SYBU: variants seen among roughly 807,000 people sequenced by gnomAD.
SYBU encodes GOLSYN A protein.
A neutral mutation model predicts 35.9 loss-of-function variants in SYBU; 21 were observed. That is an observed-to-expected ratio of 0.58 (90% CI 0.41 to 0.84). The LOEUF (loss-of-function observed/expected upper bound fraction) is 0.84. Ranked by LOEUF, SYBU falls within the 40% of genes least tolerant of loss-of-function variation. The probability of loss-of-function intolerance (pLI) is 0.00; values close to 1 mark genes in which losing one functional copy is unlikely to be tolerated. For synonymous variants in SYBU, 319 were observed against 324.3 expected (o/e 0.98, Z 0.18); for missense variants, 768 against 848.2 (o/e 0.91, Z 1.17).
At chr8:109,645,401 G>A (rs1246265804), upstream of SYBU, 1 of 452,830 alleles carries the variant, frequency 2.2e-6, no homozygotes, top group Non-Finnish European at 4.5e-6. Flanking sequence ...GCCTTCAGTG[G>A]TCAGCGCAGC....
intron 2 of SYBU, among the ~76,000 whole-genome samples, chr8:109,639,351 T>C (rs1814596547): frequency 4.0e-5 from 6 of 149,706 alleles, no homozygotes; most frequent in Admixed American, 2.6e-4. Flanking sequence ...TTTAAAAAAG[T>C]AAAAATTTTA....
intron 4 of SYBU, among the ~76,000 whole-genome samples, chr8:109,583,019 C>G (rs968735163): frequency 4.6e-5 from 7 of 152,120 alleles, no homozygotes. Flanking sequence ...GCCATCCAGT[C>G]TATGGTACTG....
Position 109,619,036 on chromosome 8 carries a change from T to C in SYBU, c.233A>G (p.Asp78Gly). 1.2e-6 allele frequency: 2 copies of C among 1,612,914 alleles called. No homozygotes were observed. The highest frequency in any genetic ancestry group is 1.7e-6 in the Non-Finnish European group (2 of 1,179,030). The change falls in exon 3 of 7, where the codon GAC becomes GGC. Residue 78 changes from aspartate (D) to glycine (G), a missense_variant. By Grantham distance (94) the Asp-to-Gly change is moderately conservative (BLOSUM62 -1). Coordinates refer to ENST00000276646, the MANE Select transcript of SYBU (RefSeq NM_001099754.2). ...TGACTGGCTGCTAGGACAGCCTGTGTCATCTAGAAGACAGGAATCAATAAG... is the reference window on the plus strand; with the variant it reads ...TGACTGGCTGCTAGGACAGCCTGTGCCATCTAGAAGACAGGAATCAATAAG... ...TVSSNSFCSDDTGCPSSQSVS... is the reference protein window; with the variant it reads ...TVSSNSFCSDGTGCPSSQSVS...
chr8:109,643,978 T>C, intron 1 of SYBU: 1 of 379,676 alleles, frequency 2.6e-6, no homozygotes. Flanking sequence ...CCTCTGCCAC[T>C]GAAAGGGACT....
chr8:109,644,855 C>G (rs1390845546), upstream of SYBU: 7 of 559,744 alleles, frequency 1.3e-5, no homozygotes, highest in Non-Finnish European at 2.1e-5. Context: ...CCCGCCCCGG[C>G]CGGACACGTG....
chr8:109,607,041 A>G (rs912501035), intron 3 of SYBU, among the ~76,000 whole-genome samples: 1 of 152,228 alleles, frequency 6.6e-6, no homozygotes, highest in Admixed American at 6.5e-5. Context: ...ACACAATTTT[A>G]AAGTTACCGA....
chr8:109,674,120 C>T (rs896152402), intron 1 of SYBU, among the ~76,000 whole-genome samples: 2 of 152,020 alleles, frequency 1.3e-5, no homozygotes, highest in African/African-American at 4.8e-5. Flanking sequence ...GGATATTATC[C>T]AGGAGAACTT....
chr8:109,611,067 G>A (rs1276698781), intron 3 of SYBU, among the ~76,000 whole-genome samples: 1 of 152,226 alleles, frequency 6.6e-6, no homozygotes, highest in Non-Finnish European at 1.5e-5. Context: ...AGAAGTCTGT[G>A]TGTAAAAGAA....
At chr8:109,595,920 C>A (rs1389981337) in intron 3 of SYBU, among the ~76,000 whole-genome samples, 1 of 152,184 alleles carries the variant, frequency 6.6e-6, no homozygotes, top group Non-Finnish European at 1.5e-5. Context: ...CCCACTTTCA[C>A]TTCTCTAATA....
In SYBU at chr8:109,618,723, T is replaced by C. The variant is rs1378149697; in HGVS notation, c.427+119A>G. On this transcript the variant is annotated intron_variant, in intron 3 of 6. Coordinates refer to ENST00000276646, the MANE Select transcript of SYBU (RefSeq NM_001099754.2). ...ACCCTGCCTCCTTTAAAAATGATGC[T>C]TTAGATGCTGGGTACGGTATTTGTG... 3.2e-6 allele frequency: 3 copies of C among 935,942 alleles called. No individual in the cohort carries two copies. The African/African-American group carries it at 4.9e-5, about 15-fold the overall frequency. 58.0% of individuals were successfully genotyped at this position (935,942 alleles called of 1,614,324 possible).
chr8:109,678,891 A>C (rs1817300428), intron 1 of SYBU, among the ~76,000 whole-genome samples: 1 of 152,182 alleles, frequency 6.6e-6, no homozygotes, highest in Admixed American at 6.5e-5. Flanking sequence ...GAACTAGAGC[A>C]ACTCCATTTT....
chr8:109,680,159 T>G (rs988920470), intron 1 of SYBU: 2 of 152,200 alleles, frequency 1.3e-5, no homozygotes, highest in African/African-American at 4.8e-5. Flanking sequence ...TTTAAAATGT[T>G]TCTAGATCAA....
rs763562789 is a variant in SYBU at position 109,575,505 on chromosome 8, C to T, written c.1393G>A (p.Ala465Thr). The T allele has an allele frequency of 1.6e-5, 26 of 1,614,006 alleles. No individual in the cohort carries two copies. The Admixed American group carries it at 3.0e-4, about 19-fold the overall frequency. Residue 465 changes from alanine (A) to threonine (T), a missense_variant, in exon 7 of 7, where the codon GCT becomes ACT. By Grantham distance (58) the Ala-to-Thr change is moderately conservative. Coordinates refer to ENST00000276646, the MANE Select transcript of SYBU (RefSeq NM_001099754.2). Reference protein sequence around the residue: ...DLELVHSTPGANVLELLPIVM... With the variant: ...DLELVHSTPGTNVLELLPIVM... ...ATGGGCAGCAGCTCCAGGACGTTAGCCCCAGGGGTGGAATGCACAAGCTCC... is the reference window on the plus strand; with the variant it reads ...ATGGGCAGCAGCTCCAGGACGTTAGTCCCAGGGGTGGAATGCACAAGCTCC...
At chr8:109,689,717 C>T (rs970237206) in intron 1 of SYBU, among the ~76,000 whole-genome samples, 1 of 151,854 alleles carries the variant, frequency 6.6e-6, no homozygotes, top group Admixed American at 6.6e-5. Flanking sequence ...CTCCTTCATG[C>T]TACACTTTTA....
chr8:109,645,626 G>GTTTTTTTTTTTTTTTTTTTTTTTT (rs201121007), upstream of SYBU: 143 of 244,802 alleles, frequency 5.8e-4, 11 homozygotes, highest in African/African-American at 3.9e-3. Flanking sequence ...TTGTTGTTTC[G>GTTTTTTTTTTTTTTTTTTTTTTTT]TTTTTTGTTT....
At chr8:109,640,601 A>G (rs1194994754) in intron 2 of SYBU, among the ~76,000 whole-genome samples, 2 of 152,142 alleles carry the variant, frequency 1.3e-5, no homozygotes, top group Admixed American at 1.3e-4. Context: ...ATGACTCTAG[A>G]TTCTAGGAAT....
intron 3 of SYBU, among the ~76,000 whole-genome samples, chr8:109,596,298 C>G (rs1824870740): frequency 6.6e-6 from 1 of 152,206 alleles, no homozygotes; most frequent in African/African-American, 2.4e-5. Flanking sequence ...TTTTGACATT[C>G]TGTCATCATT....
intron 1 of SYBU, among the ~76,000 whole-genome samples, chr8:109,657,265 G>A (rs1468485063): frequency 1.3e-5 from 2 of 151,964 alleles, no homozygotes; most frequent in African/African-American, 4.8e-5. Context: ...GCCCTTTATT[G>A]TAGACCAGTC....
chr8:109,634,441 T>C (rs149889830), intron 2 of SYBU, among the ~76,000 whole-genome samples: 26 of 152,352 alleles, frequency 1.7e-4, no homozygotes, highest in Admixed American at 9.1e-4. Flanking sequence ...CTTTTCTAGT[T>C]GCTTTATTTC....
Sources: allele counts gnomAD v4.1 joint callset (sites outside exome capture counted in the v4.1 genomes callset), GRCh38; gene constraint gnomAD v4.1.1; transcripts MANE v1.5; gene names NCBI Gene and HGNC (gene_info 2026-07-23, HGNC 2026-07-21).